Variants in OVOL2 observed in about 807,000 individuals in gnomAD.
The protein encoded by OVOL2 is transcription factor Ovo-like 2.
In OVOL2, 13 loss-of-function variants were observed where a neutral mutation model predicts 18.1. The ratio of observed to expected loss-of-function variants is 0.72; its 90% CI spans 0.47 to 1.14. OVOL2 has a LOEUF of 1.14. Among genes scored for constraint, OVOL2 ranks in the 50% most tolerant of loss-of-function variants. The probability of loss-of-function intolerance (pLI) is 0.00; values close to 1 mark genes in which losing one functional copy is unlikely to be tolerated. For synonymous variants in OVOL2, 166 were observed against 162.7 expected (o/e 1.02, Z -0.16); for missense variants, 335 against 383.0 (o/e 0.87, Z 1.05).
intron 2 of OVOL2, among the ~76,000 whole-genome samples, chr20:18,049,552 C>T (rs953054816): frequency 3.8e-5 from 3 of 79,752 alleles, no homozygotes; most frequent in African/African-American, 1.2e-4. Flanking sequence ...CATTCAGATT[C>T]CCCCCCCGAT....
chr20:18,027,568 G>A lies in OVOL2; in HGVS notation c.512-2616C>T, dbSNP rs928613732. On this transcript the variant is annotated intron_variant, in intron 3 of 3. Transcript: ENST00000278780. The stretch of plus-strand genomic sequence containing the variant: ...TAAGTAAATAAATAAATAAATAAAT[G>A]AAATTAAGAAATCACCATAGTAAGG... Among the ~76,000 whole-genome samples the A allele has an allele frequency of 3.5e-4, 53 of 151,630 alleles. 3 individuals are homozygous for A. The highest frequency in any genetic ancestry group is 1.3e-3 in the African/African-American group (53 of 41,396).
chr20:18,026,563 A>T (rs2036519189), intron 3 of OVOL2, among the ~76,000 whole-genome samples: 1 of 152,078 alleles, frequency 6.6e-6, no homozygotes, highest in Non-Finnish European at 1.5e-5. Flanking sequence ...TTGTATCTTT[A>T]GTAGAGACGG....
At chr20:18,040,764 G>C (rs2036660599) in intron 3 of OVOL2, among the ~76,000 whole-genome samples, 1 of 152,168 alleles carries the variant, frequency 6.6e-6, no homozygotes, top group Admixed American at 6.5e-5. Flanking sequence ...TGCCTGCCAG[G>C]CTCCAGTACG....
chr20:18,047,698 A>G (rs1364902250), intron 2 of OVOL2, among the ~76,000 whole-genome samples: 5 of 150,450 alleles, frequency 3.3e-5, no homozygotes, highest in Middle Eastern at 3.4e-3. Flanking sequence ...TATTAAAAAT[A>G]CAAAAATTAG....
intron 2 of OVOL2, among the ~76,000 whole-genome samples, chr20:18,051,898 AATTTTTTTTGT>A (rs896657924): frequency 2.6e-5 from 4 of 151,778 alleles, no homozygotes; most frequent in Admixed American, 1.3e-4. Flanking sequence ...AAGCCCTACT[AATTTTTTTTGT>A]ATTTTTTTTT....
At chr20:18,051,227 A>G (rs2036768945) in intron 2 of OVOL2, among the ~76,000 whole-genome samples, 1 of 152,056 alleles carries the variant, frequency 6.6e-6, no homozygotes. Context: ...AAAATAAATA[A>G]AGAGAAAGAA....
intron 2 of OVOL2, among the ~76,000 whole-genome samples, chr20:18,054,766 C>CAAAAAAAAAAAA (rs745367889): frequency 1.1e-4 from 7 of 63,466 alleles, no homozygotes; most frequent in Admixed American, 3.6e-4. Flanking sequence ...AACTCCATCT[C>CAAAAAAAAAAAA]AAAAAAAAAA....
chr20:18,043,530 A>T (rs1480106663), intron 2 of OVOL2, among the ~76,000 whole-genome samples: 1 of 151,766 alleles, frequency 6.6e-6, no homozygotes, highest in Non-Finnish European at 1.5e-5. Context: ...GCCTGATTGG[A>T]CTCTCCATCC....
chr20:18,050,108 G>C (rs373514271), intron 2 of OVOL2, among the ~76,000 whole-genome samples: 1 of 152,122 alleles, frequency 6.6e-6, no homozygotes, highest in African/African-American at 2.4e-5. Context: ...TCCTGTAGTC[G>C]ATCCTATGGA....
intron 3 of OVOL2, among the ~76,000 whole-genome samples, chr20:18,033,376 C>T (rs2036587516): frequency 6.6e-6 from 1 of 152,200 alleles, no homozygotes; most frequent in South Asian, 2.1e-4. Flanking sequence ...CCCTGAACTG[C>T]CTCCTTTATT....
chr20:18,047,765 A>C (rs535812645), intron 2 of OVOL2, among the ~76,000 whole-genome samples: 35 of 145,782 alleles, frequency 2.4e-4, no homozygotes, highest in Admixed American at 2.2e-3. Context: ...GAGGCAGGAG[A>C]ATCACTTGAA....
At chr20:18,045,913 A>G (rs963691188) in intron 2 of OVOL2, among the ~76,000 whole-genome samples, 10 of 152,172 alleles carry the variant, frequency 6.6e-5, no homozygotes, top group Non-Finnish European at 1.2e-4. Flanking sequence ...CATATCCCTC[A>G]GCAAAGGCAA....
At chr20:18,053,031 C>T (rs189911475) in intron 2 of OVOL2, among the ~76,000 whole-genome samples, 1 of 152,318 alleles carries the variant, frequency 6.6e-6, no homozygotes, top group African/African-American at 2.4e-5. Context: ...ACAGAATTCT[C>T]AGTAGTAAAG....
chr20:18,058,310 C>T (rs2036849459), upstream of OVOL2, among the ~76,000 whole-genome samples: 1 of 151,422 alleles, frequency 6.6e-6, no homozygotes, highest in Non-Finnish European at 1.5e-5. Flanking sequence ...TCTGGGCGGT[C>T]AGAAGGGGGA....
Position 18,024,492 on chromosome 20 carries a change from C to A in OVOL2, c.*144G>T. On this transcript the variant is annotated 3_prime_UTR_variant, in exon 4 of 4. Coordinates refer to ENST00000278780, the MANE Select transcript of OVOL2 (RefSeq NM_021220.4). Reference sequence around the variant, plus strand: ...GGCAACTGACAATCTTGGAATGGACCCTACTGCTGATGTTTCAAAAGGACA... The same window carrying A: ...GGCAACTGACAATCTTGGAATGGACACTACTGCTGATGTTTCAAAAGGACA... The A allele has an allele frequency of 7.0e-7, 1 of 1,424,114 alleles. No homozygotes were observed. 88.2% of individuals were successfully genotyped at this position (1,424,114 alleles called of 1,614,324 possible).
At chr20:18,032,796 C>T (rs113424814) in intron 3 of OVOL2, among the ~76,000 whole-genome samples, 1,571 of 152,066 alleles carry the variant, frequency 0.01, 26 homozygotes, top group African/African-American at 0.036. Context: ...TGTGAGCCAC[C>T]GCACCTAGCT....
chr20:18,035,262 C>T (rs1422222831), intron 3 of OVOL2, among the ~76,000 whole-genome samples: 1 of 152,122 alleles, frequency 6.6e-6, no homozygotes, highest in Non-Finnish European at 1.5e-5. Context: ...ACCAGTCTGG[C>T]CAACATGGTG....
Position 18,056,419 on chromosome 20 carries a change from G to A in OVOL2, c.321+238C>T, listed in dbSNP as rs894465710. Among the ~76,000 whole-genome samples the A allele has an allele frequency of 6.6e-6, 1 of 152,136 alleles. No individual in the cohort carries two copies. The highest frequency in any genetic ancestry group is 1.9e-4 in the East Asian group (1 of 5,184). Reference sequence around the variant, plus strand: ...TCGGCATCAGGCGGGGCCACCGGGAGGACGGAGCCCACTCCGGGAACCGGC... The same window carrying A: ...TCGGCATCAGGCGGGGCCACCGGGAAGACGGAGCCCACTCCGGGAACCGGC... On this transcript the variant is annotated intron_variant, in intron 2 of 3. Transcript: ENST00000278780. This position sits in a 1 kb window ranked among gnomAD's most constrained non-coding sequence, Gnocchi z 4.2.
chr20:18,036,266 C>T (rs1297690607), intron 3 of OVOL2, among the ~76,000 whole-genome samples: 1 of 152,134 alleles, frequency 6.6e-6, no homozygotes, highest in Non-Finnish European at 1.5e-5. Context: ...GCACTTCAGC[C>T]TCGGCGACAA....
Sources: allele counts gnomAD v4.1 joint callset (sites outside exome capture counted in the v4.1 genomes callset), GRCh38; gene constraint gnomAD v4.1.1; non-coding constraint Gnocchi (gnomAD v3.1); transcripts MANE v1.5; gene names NCBI Gene and HGNC (gene_info 2026-07-23, HGNC 2026-07-21).